The following TANK variants were observed in gnomAD, a reference collection of about 807,000 sequenced individuals.
The protein encoded by TANK is TRAF family member associated NFKB activator, also known as TRAF family member-associated NF-kappa-B activator.
A neutral mutation model predicts 43.6 loss-of-function variants in TANK; 15 were observed. The ratio of observed to expected loss-of-function variants is 0.34; its 90% CI spans 0.23 to 0.53. The LOEUF (loss-of-function observed/expected upper bound fraction) is 0.53. Ranked by LOEUF, TANK falls within the 20% of genes least tolerant of loss-of-function variation. TANK has a pLI of 0.94. For missense variants in TANK, 417 were observed against 498.6 expected (o/e 0.84, Z 1.56); for synonymous variants, 162 against 178.2 (o/e 0.91, Z 0.73).
intron 6 of TANK, among the ~76,000 whole-genome samples, chr2:161,228,995 C>G (rs1687772519): frequency 6.6e-6 from 1 of 152,190 alleles, no homozygotes; most frequent in African/African-American, 2.4e-5. Context: ...ACAAAATTGC[C>G]TAAGACTGCA....
At chr2:161,192,045 C>A (rs1257321170) in intron 2 of TANK, among the ~76,000 whole-genome samples, 2 of 152,176 alleles carry the variant, frequency 1.3e-5, no homozygotes, top group Non-Finnish European at 2.9e-5. Context: ...ACCTCAGCCT[C>A]CCAAAGTGCT....
intron 1 of TANK, chr2:161,161,211 C>G: frequency 6.6e-7 from 1 of 1,526,672 alleles, no homozygotes; most frequent in Non-Finnish European, 8.8e-7. Flanking sequence ...AGAGCTGTGC[C>G]TTTATTGTTA....
intron 4 of TANK, among the ~76,000 whole-genome samples, chr2:161,216,600 A>G (rs1687128684): frequency 6.6e-6 from 1 of 151,946 alleles, no homozygotes; most frequent in Admixed American, 6.6e-5. Flanking sequence ...CAAAAAAAAA[A>G]AAAAAAAGTT....
At chr2:161,187,534 G>A (rs1685720301) in intron 2 of TANK, among the ~76,000 whole-genome samples, 1 of 152,186 alleles carries the variant, frequency 6.6e-6, no homozygotes, top group South Asian at 2.1e-4. Context: ...AGTTATATAT[G>A]CATCATATGC....
intron 4 of TANK, chr2:161,207,942 T>C (rs1036612459): frequency 2.1e-6 from 2 of 949,790 alleles, no homozygotes; most frequent in Admixed American, 1.2e-4. Context: ...AACTAACCTA[T>C]TTCTAGAAAT....
At chr2:161,224,573 A>T (rs1687516522) in intron 5 of TANK, 58 bp from the exon 6 acceptor site, 1 of 743,200 alleles carries the variant, frequency 1.3e-6, no homozygotes, top group Non-Finnish European at 2.1e-6. Context: ...AAGTTTGATT[A>T]TTTAAAAAAC....
At chr2:161,160,214 T>G, upstream of TANK, 1 of 388,148 alleles carries the variant, frequency 2.6e-6, no homozygotes, top group East Asian at 3.6e-5. Context: ...CTTCCGCTGC[T>G]GACGCTTTTT....
At chr2:161,143,312 A>T (rs574109688) in intron 1 of TANK, among the ~76,000 whole-genome samples, 1 of 152,144 alleles carries the variant, frequency 6.6e-6, no homozygotes, top group East Asian at 1.9e-4. Context: ...AATACGCTTT[A>T]TTTCTTTCTC....
chr2:161,233,808 AT>A (rs1305149194), intron 7 of TANK, among the ~76,000 whole-genome samples: 13 of 151,944 alleles, frequency 8.6e-5, no homozygotes, highest in African/African-American at 3.1e-4. Context: ...ATAATCTTTT[AT>A]TTTTGGCCAT....
At chr2:161,209,827 G>A (rs771509219) in intron 4 of TANK, among the ~76,000 whole-genome samples, 3 of 152,142 alleles carry the variant, frequency 2.0e-5, no homozygotes, top group African/African-American at 7.2e-5. Context: ...AAGAGATGTT[G>A]TCCCTGTCTT....
intron 1 of TANK, among the ~76,000 whole-genome samples, chr2:161,171,002 A>T (rs1035140916): frequency 6.6e-6 from 1 of 152,110 alleles, no homozygotes. Flanking sequence ...GTGTCTTTTT[A>T]TTTTTTTCCA....
At chr2:161,233,276 G>A (rs1688010971) in intron 7 of TANK, among the ~76,000 whole-genome samples, 1 of 152,054 alleles carries the variant, frequency 6.6e-6, no homozygotes, top group Non-Finnish European at 1.5e-5. Context: ...TGTGCCTGTG[G>A]CCTCCAGCTA....
chr2:161,151,488 T>C (rs927513224), intron 1 of TANK, among the ~76,000 whole-genome samples: 1 of 152,200 alleles, frequency 6.6e-6, no homozygotes, highest in Non-Finnish European at 1.5e-5. Flanking sequence ...CTATATCTTC[T>C]TGATGAATTA....
At chr2:161,203,873 A>G (rs1363030095) in intron 3 of TANK, among the ~76,000 whole-genome samples, 4 of 152,168 alleles carry the variant, frequency 2.6e-5, no homozygotes, top group African/African-American at 7.2e-5. Flanking sequence ...GAAAACATCT[A>G]TGCCTTTTGA....
intron 1 of TANK, 140 bp downstream of exon 1, chr2:161,160,626 A>G (rs1000399034): frequency 7.3e-6 from 5 of 686,646 alleles, no homozygotes; most frequent in East Asian, 3.1e-5. Flanking sequence ...GAGACAACCA[A>G]TTTGCAGTTT....
In TANK at chr2:161,224,616, G is replaced by A. The variant is rs953267280; in HGVS notation, c.405-15G>A. ...TTATAGCTTTACATTTTAAAATGTTGATTTTTTTTTTTAGGGGTAATATAG... is the reference window on the plus strand; with the variant it reads ...TTATAGCTTTACATTTTAAAATGTTAATTTTTTTTTTTAGGGGTAATATAG... On this transcript the variant is annotated splice_polypyrimidine_tract_variant and intron_variant, in intron 5 of 7. Transcript: ENST00000392749. The A allele has an allele frequency of 6.5e-6, 8 of 1,238,432 alleles. No homozygotes were observed. The highest frequency in any genetic ancestry group is 8.9e-6 in the Non-Finnish European group (8 of 894,558). 76.7% of individuals were successfully genotyped at this position (1,238,432 alleles called of 1,614,324 possible).
At chr2:161,191,706 G>T (rs1685922558) in intron 2 of TANK, among the ~76,000 whole-genome samples, 1 of 152,122 alleles carries the variant, frequency 6.6e-6, no homozygotes, top group Admixed American at 6.6e-5. Context: ...GCCAAAAATT[G>T]TCAATAGTCT....
chr2:161,164,216 G>A (rs1040804254), intron 1 of TANK, among the ~76,000 whole-genome samples: 7 of 152,154 alleles, frequency 4.6e-5, no homozygotes, highest in Admixed American at 6.5e-5. Flanking sequence ...ATAAAGCTTC[G>A]CTATTTCGAT....
intron 2 of TANK, among the ~76,000 whole-genome samples, chr2:161,184,967 A>C (rs16845696): frequency 0.041 from 6,180 of 152,244 alleles, 259 homozygotes; most frequent in East Asian, 0.18. Context: ...AAGAGTGTAT[A>C]GGTTGAAAGA....
Sources: allele counts gnomAD v4.1 joint callset (sites outside exome capture counted in the v4.1 genomes callset), GRCh38; gene constraint gnomAD v4.1.1; transcripts MANE v1.5; gene names NCBI Gene and HGNC (gene_info 2026-07-23, HGNC 2026-07-21).